Variants in TTC39C observed in about 807,000 individuals in gnomAD.
TTC39C encodes tetratricopeptide repeat domain 39C, also known as tetratricopeptide repeat protein 39C.
A neutral mutation model predicts 76.3 loss-of-function variants in TTC39C; 33 were observed. The observed-to-expected ratio is 0.43, with a 90% CI of 0.33 to 0.58. TTC39C has a LOEUF of 0.58. Among genes scored for constraint, TTC39C ranks in the 20% least tolerant of loss-of-function variants. The pLI, the probability that TTC39C is intolerant of heterozygous loss-of-function variation, is 0.04. For missense variants in TTC39C, 595 were observed against 701.4 expected (o/e 0.85, Z 1.71); for synonymous variants, 254 against 260.6 (o/e 0.97, Z 0.24).
chr18:24,094,099 T>C (rs1489156448), intron 6 of TTC39C, among the ~76,000 whole-genome samples: 1 of 152,238 alleles, frequency 6.6e-6, no homozygotes, highest in African/African-American at 2.4e-5. Context: ...ACTAAGTCTA[T>C]GTGTTATTTT....
At chr18:24,039,423 C>G (rs1220439487) in intron 1 of TTC39C, among the ~76,000 whole-genome samples, 17 of 152,198 alleles carry the variant, frequency 1.1e-4, no homozygotes, top group Admixed American at 1.0e-3. Context: ...ATAGGTGGGT[C>G]TGTGTTCTAT....
chr18:23,993,426 A>C (rs2083235332), intron 1 of TTC39C, among the ~76,000 whole-genome samples: 1 of 152,222 alleles, frequency 6.6e-6, no homozygotes, highest in African/African-American at 2.4e-5. Flanking sequence ...TGCTCAATAA[A>C]TGCCATAGCA....
intron 1 of TTC39C, among the ~76,000 whole-genome samples, chr18:24,031,207 C>G (rs1251681480): frequency 6.6e-6 from 1 of 151,916 alleles, no homozygotes; most frequent in East Asian, 1.9e-4. Context: ...ATCCGGCTGC[C>G]TTGGCCTCCC....
rs778239224 is a variant in TTC39C at position 24,014,899 on chromosome 18, C to A, written c.28C>A (p.Arg10=). 16 of 1,491,262 alleles carry A rather than the reference C, an allele frequency of 1.1e-5. No individual in the cohort carries two copies. In the South Asian group the frequency reaches 2.0e-4, roughly 18 times the overall value. 92.4% of individuals were successfully genotyped at this position (1,491,262 alleles called of 1,614,324 possible). A position where few individuals can be genotyped will look rare whatever the true frequency, so the allele number is the denominator to read the frequency against. Residue 10 remains arginine, a synonymous_variant, in exon 1 of 14, where the codon CGG becomes AGG. Transcript: ENST00000317571. MAGSEQQRP[R]RRDDGDSDAA... ...GGCCGGCTCGGAGCAGCAGCGGCCG[C>A]GGCGGCGGGACGACGGAGACTCGGA...
intron 6 of TTC39C, among the ~76,000 whole-genome samples, chr18:24,094,830 T>C (rs2084568726): frequency 1.3e-5 from 2 of 152,216 alleles, no homozygotes; most frequent in Admixed American, 1.3e-4. Context: ...AGAGTAGATA[T>C]AGCCTAATTC....
At chr18:24,038,487 T>C (rs1441199741) in intron 1 of TTC39C, among the ~76,000 whole-genome samples, 1 of 152,046 alleles carries the variant, frequency 6.6e-6, no homozygotes, top group East Asian at 1.9e-4. Context: ...CTCACCACAT[T>C]GTCCTGGCTA....
intron 1 of TTC39C, among the ~76,000 whole-genome samples, chr18:24,045,925 ATATTTTTT>A (rs1232808713): frequency 1.5e-4 from 4 of 26,324 alleles, no homozygotes; most frequent in African/African-American, 5.4e-4. Context: ...ATATATATAT[ATATTTTTT>A]TTTTTTTTTT....
intron 6 of TTC39C, among the ~76,000 whole-genome samples, chr18:24,091,986 G>A (rs56941906): frequency 0.035 from 5,263 of 149,674 alleles, 200 homozygotes; most frequent in African/African-American, 0.092. Context: ...CCAGCTACTC[G>A]GGAGGCTGAG....
chr18:24,020,237 C>A, intron 1 of TTC39C: 2 of 1,054,766 alleles, frequency 1.9e-6, no homozygotes, highest in Non-Finnish European at 1.1e-6. Flanking sequence ...TTTTTTCCCC[C>A]AACTATTACA....
rs150406754 is a variant in TTC39C at position 24,125,465 on chromosome 18, C to G, written c.1335C>G (p.Leu445=). 6.2e-6 allele frequency: 10 copies of G among 1,614,042 alleles called. No homozygotes were observed. The East Asian group carries it at 1.8e-4, about 29-fold the overall frequency. Residue 445 remains leucine (L), a synonymous_variant, in exon 10 of 14, where the codon CTC becomes CTG. Coordinates refer to ENST00000317571, the MANE Select transcript of TTC39C (RefSeq NM_001135993.2). ...RFRKQTPTKA[L]CVLASIEVLY... ...GGAAGCAAACCCCAACCAAAGCGCT[C>G]TGTGTGTTGGCGTCTATTGAAGTGT...
chr18:24,022,686 C>T (rs1369952285), intron 1 of TTC39C: 18 of 985,296 alleles, frequency 1.8e-5, no homozygotes, highest in Non-Finnish European at 1.9e-5. Context: ...GATGTCACCC[C>T]AAGCTTTAGA....
chr18:24,079,575 G>A (rs9955471), intron 4 of TTC39C, among the ~76,000 whole-genome samples: 85,694 of 152,030 alleles, frequency 0.56, 26,270 homozygotes, highest in African/African-American at 0.81. Context: ...ATAAACCCCA[G>A]TTTCATAAAC....
Position 24,134,269 on chromosome 18 carries a change from T to G in TTC39C, c.*1695T>G, listed in dbSNP as rs1404949527. ...ATATTGGACATCTGTTTTTTGTTTT[T>G]TTTTTTTTTTTTTTTTTTTTTTGAG... On this transcript the variant is annotated 3_prime_UTR_variant, in exon 14 of 14. Transcript: ENST00000317571. The G allele has an allele frequency of 9.7e-5, 12 of 123,470 alleles. No individual in the cohort carries two copies. Among genetic ancestry groups the G allele is most frequent in the African/African-American group, 3.0e-4 (10 of 32,994 alleles). 7.6% of individuals were successfully genotyped at this position (123,470 alleles called of 1,614,324 possible).
At chr18:24,048,897 A>T (rs2083917312) in intron 1 of TTC39C, among the ~76,000 whole-genome samples, 2 of 152,218 alleles carry the variant, frequency 1.3e-5, no homozygotes, top group South Asian at 4.1e-4. Flanking sequence ...ATTCTTTGAA[A>T]CACTGTATTT....
chr18:24,116,881 A>G (rs2084900601), intron 7 of TTC39C, among the ~76,000 whole-genome samples: 1 of 135,054 alleles, frequency 7.4e-6, no homozygotes, highest in African/African-American at 2.8e-5. Context: ...GCTGGAGTGC[A>G]GTGGTGCAGT....
intron 6 of TTC39C, among the ~76,000 whole-genome samples, chr18:24,100,020 T>A (rs949944392): frequency 6.6e-6 from 1 of 152,208 alleles, no homozygotes; most frequent in African/African-American, 2.4e-5. Context: ...TTGATTTTTT[T>A]AATCAACTCA....
rs1052403463 is a variant in TTC39C at position 24,060,031 on chromosome 18, C to T, written c.168-4109C>T. 2.8e-5 allele frequency among the ~76,000 whole-genome samples: 4 copies of T among 143,408 alleles called. No individual in the cohort carries two copies. The East Asian group carries it at 6.0e-4, about 22-fold the overall frequency. 94.1% of individuals were successfully genotyped at this position (143,408 alleles called of 152,430 possible). A position where few individuals can be genotyped will look rare whatever the true frequency, so the allele number is the denominator to read the frequency against. On this transcript the variant is annotated intron_variant, in intron 1 of 13. Transcript: ENST00000317571. ...ATGATTCAATTATCTCCCACCAGCTCCCTCCCACAACACTTGGGAATTATG... is the reference window on the plus strand; with the variant it reads ...ATGATTCAATTATCTCCCACCAGCTTCCTCCCACAACACTTGGGAATTATG...
chr18:24,090,855 G>A (rs1297862828), intron 6 of TTC39C, among the ~76,000 whole-genome samples: 1 of 133,776 alleles, frequency 7.5e-6, no homozygotes. Flanking sequence ...CACCCAGGCT[G>A]GAGTGCAGTG....
chr18:24,019,685 G>T (rs1031322078), intron 1 of TTC39C, among the ~76,000 whole-genome samples: 3 of 152,210 alleles, frequency 2.0e-5, no homozygotes, highest in East Asian at 3.8e-4. Flanking sequence ...ACTATGGCCC[G>T]TGGGCCAATT....
Sources: allele counts gnomAD v4.1 joint callset (sites outside exome capture counted in the v4.1 genomes callset), GRCh38; gene constraint gnomAD v4.1.1; transcripts MANE v1.5; gene names NCBI Gene and HGNC (gene_info 2026-07-23, HGNC 2026-07-21).